GUCY1A2: variants seen among roughly 807,000 people sequenced by gnomAD.
The protein encoded by GUCY1A2 is guanylate cyclase 1 soluble subunit alpha 2, also known as guanylate cyclase soluble subunit alpha-2.
A neutral mutation model predicts 63.5 loss-of-function variants in GUCY1A2; 27 were observed. The ratio of observed to expected loss-of-function variants is 0.43; its 90% confidence interval spans 0.31 to 0.59. The LOEUF (loss-of-function observed/expected upper bound fraction) is 0.59, where lower values mean the gene tolerates loss of function less well. Among genes scored for constraint, GUCY1A2 ranks in the 20% least tolerant of loss-of-function variants. GUCY1A2 has a pLI of 0.11. For synonymous variants in GUCY1A2, 364 were observed against 343.5 expected (o/e 1.06, Z -0.66); for missense variants, 768 against 913.3 (o/e 0.84, Z 2.05).
chr11:106,883,428 T>G (rs140582634), intron 4 of GUCY1A2, among the ~76,000 whole-genome samples: 411 of 152,238 alleles, frequency 2.7e-3, no homozygotes, highest in African/African-American at 9.6e-3. Context: ...ACTTAGTGTG[T>G]GATGAACATT....
chr11:106,941,786 C>T (rs1860755211), intron 3 of GUCY1A2, among the ~76,000 whole-genome samples: 1 of 152,146 alleles, frequency 6.6e-6, no homozygotes, highest in Admixed American at 6.5e-5. Context: ...TTCTGGTAGC[C>T]AAGAAGTCAG....
intron 6 of GUCY1A2, among the ~76,000 whole-genome samples, chr11:106,732,759 T>C (rs1469574522): frequency 6.6e-6 from 1 of 152,162 alleles, no homozygotes; most frequent in Non-Finnish European, 1.5e-5. Context: ...TGAAATATGA[T>C]TGACTCATTT....
At chr11:106,808,752 A>G (rs1461545700) in intron 5 of GUCY1A2, among the ~76,000 whole-genome samples, 1 of 152,114 alleles carries the variant, frequency 6.6e-6, no homozygotes, top group East Asian at 1.9e-4. Context: ...TGCCCCAAGT[A>G]TGGAGGAAGG....
intron 4 of GUCY1A2, among the ~76,000 whole-genome samples, chr11:106,854,015 G>C (rs909669496): frequency 6.6e-6 from 1 of 152,208 alleles, no homozygotes; most frequent in Non-Finnish European, 1.5e-5. Context: ...TGGTCCTTGG[G>C]CATGAGTGAT....
Position 106,679,786 on chromosome 11 carries a change from G to T in GUCY1A2, c.*7763C>A. On this transcript the variant is annotated 3_prime_UTR_variant, in exon 8 of 8. Coordinates refer to ENST00000526355, the MANE Select transcript of GUCY1A2 (RefSeq NM_000855.3). ...TTTGTTCCTTCAACCCAGATGTTCT[G>T]ACACTTTCATTTACCTTAATCATTG... is the stretch of plus-strand genomic sequence containing the variant. 1 of 218,542 alleles carries T rather than the reference G, an allele frequency of 4.6e-6. No homozygotes were observed. Among genetic ancestry groups the T allele is most frequent in the Non-Finnish European group, 9.2e-6 (1 of 108,816 alleles). 13.5% of individuals were successfully genotyped at this position (218,542 alleles called of 1,614,324 possible).
At chr11:106,708,721 T>G (rs550353436) in intron 6 of GUCY1A2, 55 bp from the exon 7 acceptor site, 1 of 1,255,718 alleles carries the variant, frequency 8.0e-7, no homozygotes, top group African/African-American at 1.5e-5. Flanking sequence ...TGGTATGCAA[T>G]TATTTTAATG....
chr11:106,718,300 TTA>T (rs1863252395), intron 6 of GUCY1A2, among the ~76,000 whole-genome samples: 1 of 152,102 alleles, frequency 6.6e-6, no homozygotes, highest in Non-Finnish European at 1.5e-5. Context: ...TTTTAAATAA[TTA>T]ATATTTTACA....
intron 6 of GUCY1A2, among the ~76,000 whole-genome samples, chr11:106,774,811 A>G (rs774459944): frequency 1.3e-5 from 2 of 152,230 alleles, no homozygotes; most frequent in Non-Finnish European, 2.9e-5. Context: ...TGCTTCATCT[A>G]TGTCTAATCT....
intron 5 of GUCY1A2, among the ~76,000 whole-genome samples, chr11:106,785,931 C>A (rs2135408927): frequency 6.6e-6 from 1 of 151,214 alleles, no homozygotes; most frequent in Non-Finnish European, 1.5e-5. Flanking sequence ...CACTTCTAAC[C>A]TGACCCCAGC....
intron 6 of GUCY1A2, among the ~76,000 whole-genome samples, chr11:106,743,922 C>T (rs1385294583): frequency 1.3e-5 from 2 of 152,110 alleles, no homozygotes; most frequent in African/African-American, 4.8e-5. Flanking sequence ...ATACAATATG[C>T]AGAAAACTAA....
At position 106,788,912 on chromosome 11, in the gene GUCY1A2, G is replaced by A. The variant is rs1467267944; in HGVS notation, c.1693-12330C>T. ...TTTTGTGATTCTGTATACATTTTAAGGTTATGTTTTATATTTCTGTGAAGA... is the reference window on the plus strand; with the variant it reads ...TTTTGTGATTCTGTATACATTTTAAAGTTATGTTTTATATTTCTGTGAAGA... On this transcript the variant is annotated intron_variant, in intron 5 of 7. Transcript: ENST00000526355. 2.6e-5 allele frequency among the ~76,000 whole-genome samples: 4 copies of A among 152,070 alleles called. No individual in the cohort carries two copies. The East Asian group carries it at 5.8e-4, about 22-fold the overall frequency.
At chr11:107,002,943 C>A (rs1393671850) in intron 1 of GUCY1A2, among the ~76,000 whole-genome samples, 1 of 152,088 alleles carries the variant, frequency 6.6e-6, no homozygotes, top group Admixed American at 6.6e-5. Context: ...CCTACATTCC[C>A]CTTGAGTATA....
At position 106,806,080 on chromosome 11, in the gene GUCY1A2, T is replaced by C. The variant is rs187814911; in HGVS notation, c.1692+3913A>G. On this transcript the variant is annotated intron_variant, in intron 5 of 7. Coordinates refer to ENST00000526355, the MANE Select transcript of GUCY1A2 (RefSeq NM_000855.3). ...GGCCTACTAGGTATGTGTGTATATA[T>C]ACACACACACACATACACACACACA... is the stretch of plus-strand genomic sequence containing the variant. Among the ~76,000 whole-genome samples, 417 of 151,886 alleles carry C rather than the reference T, an allele frequency of 2.7e-3. 2 individuals are homozygous for C. Among genetic ancestry groups the C allele is most frequent in the Middle Eastern group, 0.014 (4 of 292 alleles).
intron 4 of GUCY1A2, among the ~76,000 whole-genome samples, chr11:106,912,824 A>G (rs554236706): frequency 3.3e-5 from 5 of 152,296 alleles, no homozygotes; most frequent in South Asian, 2.1e-4. Flanking sequence ...CTATTTGACT[A>G]AAGTTCTGTC....
At chr11:106,887,825 T>G (rs1859919363) in intron 4 of GUCY1A2, among the ~76,000 whole-genome samples, 1 of 152,210 alleles carries the variant, frequency 6.6e-6, no homozygotes. Flanking sequence ...AGATATTCAG[T>G]GGTATACACT....
chr11:106,708,441 A>G, intron 7 of GUCY1A2, 71 bp downstream of exon 7: 1 of 1,185,730 alleles, frequency 8.4e-7, no homozygotes, highest in Non-Finnish European at 1.2e-6. Flanking sequence ...AAGAACAGGG[A>G]CTCACAGATG....
intron 4 of GUCY1A2, among the ~76,000 whole-genome samples, chr11:106,909,392 C>CGTGTGTGT (rs1408056529): frequency 7.4e-6 from 1 of 135,594 alleles, no homozygotes; most frequent in Admixed American, 7.3e-5. Flanking sequence ...TGTGTGTGTA[C>CGTGTGTGT]GCTTTTCATT....
rs552155165 is a variant in GUCY1A2 at position 106,854,002 on chromosome 11, G to A, written c.1207-43524C>T. Among the ~76,000 whole-genome samples, 20 of 152,334 alleles carry A rather than the reference G, an allele frequency of 1.3e-4. No homozygotes were observed. In the East Asian group the frequency reaches 3.7e-3, roughly 28 times the overall value. On this transcript the variant is annotated intron_variant, in intron 4 of 7. Coordinates refer to ENST00000526355, the MANE Select transcript of GUCY1A2 (RefSeq NM_000855.3). ...TTGCTGGGGACAAGGTCACCAGGTG[G>A]GCTGGTCCTTGGGCATGAGTGATGT... is the stretch of plus-strand genomic sequence containing the variant.
chr11:106,777,395 C>T (rs973163580), intron 5 of GUCY1A2, among the ~76,000 whole-genome samples: 4 of 145,506 alleles, frequency 2.7e-5, no homozygotes, highest in Admixed American at 1.4e-4. Context: ...TGCAGTGAGC[C>T]GAGATTGCAC....
Sources: gnomAD v4.1 joint callset for allele counts (sites outside exome capture counted in the v4.1 genomes callset) on GRCh38, gnomAD v4.1.1 for gene constraint, MANE v1.5 for transcripts, NCBI Gene and HGNC (gene_info 2026-07-23, HGNC 2026-07-21) for gene names.